The following NELL1 variants were observed in gnomAD, a reference collection of about 807,000 sequenced individuals.
NELL1 encodes the protein protein kinase C-binding protein NELL1.
NELL1 carries 76 observed loss-of-function variants against 107.4 expected under a neutral mutation model. That is an observed-to-expected ratio of 0.71 (90% confidence interval 0.59 to 0.86). The LOEUF (loss-of-function observed/expected upper bound fraction) is 0.86, where lower values mean the gene tolerates loss of function less well. Among genes scored for constraint, NELL1 ranks in the 40% least tolerant of loss-of-function variants. The pLI, the probability that NELL1 is intolerant of heterozygous loss-of-function variation, is 0.00. For synonymous variants in NELL1, 353 were observed against 341.2 expected (o/e 1.03, Z -0.38); for missense variants, 1,024 against 1,005.5 (o/e 1.02, Z -0.25).
intron 12 of NELL1, among the ~76,000 whole-genome samples, chr11:21,050,189 T>C (rs980030296): frequency 6.6e-6 from 1 of 152,142 alleles, no homozygotes; most frequent in Admixed American, 6.6e-5. Flanking sequence ...GCACATGAGA[T>C]AATATGTATG....
intron 5 of NELL1, among the ~76,000 whole-genome samples, chr11:20,894,744 A>T (rs925541261): frequency 3.3e-5 from 5 of 152,216 alleles, no homozygotes; most frequent in African/African-American, 1.2e-4. Context: ...TATATGTCCT[A>T]TGACCAAGAA....
Position 20,680,278 on chromosome 11 carries a change from C to T in NELL1, c.184+2218C>T, listed in dbSNP as rs1294462513. On this transcript the variant is annotated intron_variant, in intron 2 of 19. Transcript: ENST00000357134. ...TATTTTGTTTGCCACAAAGTCTGCC[C>T]TCTAGATCCCAAGGATTCATGTCTG... Among the ~76,000 whole-genome samples the T allele has an allele frequency of 4.6e-5, 7 of 152,186 alleles. No homozygotes were observed. The East Asian group carries it at 1.4e-3, about 29-fold the overall frequency.
At chr11:21,201,591 C>T (rs1857271503) in intron 13 of NELL1, among the ~76,000 whole-genome samples, 1 of 152,146 alleles carries the variant, frequency 6.6e-6, no homozygotes, top group African/African-American at 2.4e-5. Context: ...ATTTGACTTC[C>T]TCTCTTCCTA....
rs568740679 is a variant in NELL1, at chr11:21,279,070, A to G, written c.1549+49616A>G. On this transcript the variant is annotated intron_variant, in intron 14 of 19. Transcript: ENST00000357134. Reference sequence around the variant, plus strand: ...AAATGGTGCTAGAAAAACTACATCCACATGCCAAAATAAATTGATAAATGT... The same window carrying G: ...AAATGGTGCTAGAAAAACTACATCCGCATGCCAAAATAAATTGATAAATGT... 2.0e-5 allele frequency among the ~76,000 whole-genome samples: 3 copies of G among 152,298 alleles called. No individual in the cohort carries two copies. In the South Asian group the frequency reaches 6.2e-4, roughly 32 times the overall value.
chr11:20,774,434 G>A (rs2133972682), intron 2 of NELL1, among the ~76,000 whole-genome samples: 1 of 134,648 alleles, frequency 7.4e-6, no homozygotes, highest in South Asian at 2.4e-4. Flanking sequence ...TTCTCACTAT[G>A]TTCCTCAGGA....
At chr11:21,536,623 G>A (rs957927457) in intron 16 of NELL1, among the ~76,000 whole-genome samples, 2 of 152,090 alleles carry the variant, frequency 1.3e-5, no homozygotes, top group Non-Finnish European at 2.9e-5. Flanking sequence ...CAGCGAATGG[G>A]CTTTTTTCTT....
At chr11:21,182,440 GAAAAA>G (rs201319322) in intron 13 of NELL1, among the ~76,000 whole-genome samples, 1 of 111,722 alleles carries the variant, frequency 9.0e-6, no homozygotes, top group Non-Finnish European at 1.9e-5. Flanking sequence ...GTCTCAAAAA[GAAAAA>G]AAAAAAAAAA....
At chr11:21,218,456 C>T (rs944326194) in intron 13 of NELL1, among the ~76,000 whole-genome samples, 7 of 152,032 alleles carry the variant, frequency 4.6e-5, no homozygotes, top group African/African-American at 1.7e-4. Flanking sequence ...TTAGCTTACC[C>T]ATCACCTCAA....
At chr11:21,254,056 C>G (rs923427768) in intron 14 of NELL1, among the ~76,000 whole-genome samples, 5 of 151,932 alleles carry the variant, frequency 3.3e-5, no homozygotes, top group Admixed American at 2.0e-4. Flanking sequence ...AAAGAAAATC[C>G]ATGTAAAGGA....
At chr11:20,723,780 A>T (rs1039281103) in intron 2 of NELL1, among the ~76,000 whole-genome samples, 1 of 152,010 alleles carries the variant, frequency 6.6e-6, no homozygotes, top group Non-Finnish European at 1.5e-5. Context: ...GGCCTAGCAG[A>T]GGTTTTCCGT....
intron 3 of NELL1, among the ~76,000 whole-genome samples, chr11:20,808,777 G>A (rs149803499): frequency 3.9e-5 from 6 of 152,274 alleles, no homozygotes; most frequent in Middle Eastern, 3.4e-3. Flanking sequence ...CGTTGGCAGC[G>A]CTGAGTTCCA....
chr11:21,280,539 T>C (rs1005212764), intron 14 of NELL1, among the ~76,000 whole-genome samples: 3 of 151,964 alleles, frequency 2.0e-5, no homozygotes, highest in African/African-American at 7.3e-5. Context: ...GGGGAGAGCA[T>C]AGTGATTCTG....
intron 2 of NELL1, among the ~76,000 whole-genome samples, chr11:20,778,862 T>A (rs1408284310): frequency 2.0e-5 from 3 of 152,120 alleles, no homozygotes; most frequent in Admixed American, 6.6e-5. Context: ...GGGAAAGAGA[T>A]GGAGTAGGTT....
In NELL1 at chr11:21,516,469, C is replaced by T. The variant is rs541321419; in HGVS notation, c.1646-17905C>T. Reference sequence around the variant, plus strand: ...TAAGAAATGCATCATTAGGCCATTTCGTCCTTGTGCAAACATCAGAGAGTA... The same window carrying T: ...TAAGAAATGCATCATTAGGCCATTTTGTCCTTGTGCAAACATCAGAGAGTA... On this transcript the variant is annotated intron_variant, in intron 15 of 19. Coordinates refer to ENST00000357134, the MANE Select transcript of NELL1 (RefSeq NM_006157.5). 9.2e-5 allele frequency among the ~76,000 whole-genome samples: 14 copies of T among 152,150 alleles called. No homozygotes were observed. The South Asian group carries it at 1.5e-3, about 16-fold the overall frequency.
chr11:21,213,995 C>T (rs1857559961), intron 13 of NELL1, among the ~76,000 whole-genome samples: 1 of 152,064 alleles, frequency 6.6e-6, no homozygotes, highest in Non-Finnish European at 1.5e-5. Flanking sequence ...AAAATTAAAA[C>T]TTTTGCATTG....
chr11:20,729,551 T>C (rs1177901300), intron 2 of NELL1, among the ~76,000 whole-genome samples: 3 of 152,220 alleles, frequency 2.0e-5, no homozygotes, highest in Non-Finnish European at 4.4e-5. Context: ...TTTTTCTGTA[T>C]ATATTGAGAT....
intron 13 of NELL1, among the ~76,000 whole-genome samples, chr11:21,143,136 C>G (rs1855904090): frequency 6.6e-6 from 1 of 152,170 alleles, no homozygotes; most frequent in African/African-American, 2.4e-5. Flanking sequence ...TACACCTTTA[C>G]TAGTTGCCTT....
At chr11:21,514,150 T>C (rs1043211787) in intron 15 of NELL1, among the ~76,000 whole-genome samples, 2 of 152,206 alleles carry the variant, frequency 1.3e-5, no homozygotes, top group Non-Finnish European at 2.9e-5. Flanking sequence ...ATTTTCAGAA[T>C]CTAACATATT....
chr11:21,230,991 C>T (rs1017350367), intron 14 of NELL1, among the ~76,000 whole-genome samples: 5 of 152,034 alleles, frequency 3.3e-5, no homozygotes, highest in Non-Finnish European at 7.4e-5. Context: ...CTGGAAACAA[C>T]CAAAATATCC....
Sources: allele counts gnomAD v4.1 joint callset (sites outside exome capture counted in the v4.1 genomes callset), GRCh38; gene constraint gnomAD v4.1.1; transcripts MANE v1.5; gene names NCBI Gene and HGNC (gene_info 2026-07-23, HGNC 2026-07-21).